GRID2: variants seen among roughly 807,000 people sequenced by gnomAD.
GRID2 encodes glutamate ionotropic receptor delta type subunit 2, also known as glutamate receptor ionotropic, delta-2.
Under a neutral mutation model 114.8 loss-of-function variants are expected in GRID2, and 33 were observed. The observed-to-expected ratio is 0.29, with a 90% CI of 0.22 to 0.38. The LOEUF is 0.38. Among genes scored for constraint, GRID2 ranks in the 10% least tolerant of loss-of-function variants. The pLI is 1.00. For synonymous variants in GRID2, 505 were observed against 449.9 expected (o/e 1.12, Z -1.55); for missense variants, 1,184 against 1,257.7 (o/e 0.94, Z 0.89).
At chr4:92,868,249 G>A (rs760820937) in intron 2 of GRID2, among the ~76,000 whole-genome samples, 3 of 151,766 alleles carry the variant, frequency 2.0e-5, no homozygotes, top group Non-Finnish European at 4.4e-5. Context: ...TCTACAACAG[G>A]GTTGGTTTTG....
intron 8 of GRID2, among the ~76,000 whole-genome samples, chr4:93,251,787 A>G (rs562291901): frequency 1.6e-4 from 25 of 152,252 alleles, no homozygotes; most frequent in African/African-American, 4.6e-4. Flanking sequence ...TTCTTGGATT[A>G]GTATGCTAAG....
At position 92,587,562 on chromosome 4, in the gene GRID2, A is replaced by G. The variant is rs558045659; in HGVS notation, c.89-2569A>G. Among the ~76,000 whole-genome samples the G allele has an allele frequency of 9.9e-4, 151 of 152,288 alleles. 1 individual carries two copies. Among genetic ancestry groups the G allele is most frequent in the African/African-American group, 3.6e-3 (150 of 41,578 alleles). ...GTTTAAGATGAGATTTTTATAGCTG[A>G]AGAAAAAAGTAAATAAATAACTGGG... On this transcript the variant is annotated intron_variant, in intron 1 of 15. Transcript: ENST00000282020.
intron 8 of GRID2, among the ~76,000 whole-genome samples, chr4:93,375,602 A>G (rs1476071442): frequency 6.6e-6 from 1 of 152,134 alleles, no homozygotes; most frequent in Non-Finnish European, 1.5e-5. Flanking sequence ...AGGAAGCCAG[A>G]GCACTTGCTA....
chr4:93,632,699 G>A (rs998608608), intron 14 of GRID2, among the ~76,000 whole-genome samples: 1 of 152,082 alleles, frequency 6.6e-6, no homozygotes, highest in African/African-American at 2.4e-5. Flanking sequence ...TGGCAATGCG[G>A]GCTCTTTTTT....
chr4:93,760,296 C>T (rs1301718377), intron 14 of GRID2, among the ~76,000 whole-genome samples: 3 of 152,150 alleles, frequency 2.0e-5, no homozygotes, highest in African/African-American at 4.8e-5. Flanking sequence ...ATAAAGTTCA[C>T]AGTTGTTTCT....
intron 8 of GRID2, among the ~76,000 whole-genome samples, chr4:93,371,741 CTTTTTTTTTTTT>C (rs1205096650): frequency 2.2e-5 from 2 of 89,796 alleles, no homozygotes; most frequent in African/African-American, 4.7e-5. Flanking sequence ...ATCACTATTT[CTTTTTTTTTTTT>C]TTTTTTTTTT....
chr4:93,440,122 G>A (rs10010334), intron 10 of GRID2, among the ~76,000 whole-genome samples: 1 of 151,800 alleles, frequency 6.6e-6, no homozygotes, highest in Non-Finnish European at 1.5e-5. Flanking sequence ...AATGAAGAAG[G>A]GTTCTCAGCT....
intron 2 of GRID2, among the ~76,000 whole-genome samples, chr4:92,968,570 TTTTA>T (rs1753302179): frequency 6.6e-6 from 1 of 151,956 alleles, no homozygotes; most frequent in Non-Finnish European, 1.5e-5. Context: ...TCTCAGTATT[TTTTA>T]TTTATTCCTT....
intron 1 of GRID2, among the ~76,000 whole-genome samples, chr4:92,452,920 T>C (rs1721011773): frequency 7.1e-6 from 1 of 140,610 alleles, no homozygotes; most frequent in Non-Finnish European, 1.5e-5. Flanking sequence ...TTTCTATATA[T>C]GATACATAGA....
chr4:92,710,925 G>GT lies in GRID2; in HGVS notation c.244+120649dup, dbSNP rs142363876. ...GAAAAAACTAGCATTCAGATTCAGT[G>GT]TTTTTTTTTTAATTATTAATCTAAA... On this transcript the variant is annotated intron_variant, in intron 2 of 15. Coordinates refer to ENST00000282020, the MANE Select transcript of GRID2 (RefSeq NM_001510.4). Among the ~76,000 whole-genome samples, 617 of 146,208 alleles carry GT rather than the reference G, an allele frequency of 4.2e-3. 7 individuals are homozygous for GT. The East Asian group carries it at 0.053, about 13-fold the overall frequency.
At chr4:92,366,386 A>G (rs543947700) in intron 1 of GRID2, among the ~76,000 whole-genome samples, 3 of 152,100 alleles carry the variant, frequency 2.0e-5, no homozygotes, top group Admixed American at 2.0e-4. Context: ...ATCTAAACCT[A>G]TTTTGTGCTC....
At chr4:93,698,789 A>G (rs756819001) in intron 14 of GRID2, among the ~76,000 whole-genome samples, 1 of 152,106 alleles carries the variant, frequency 6.6e-6, no homozygotes, top group Non-Finnish European at 1.5e-5. Context: ...ATAATTTTCC[A>G]CTAAAAGAAT....
chr4:93,544,784 AAAAAAAAG>A (rs1489579131), intron 13 of GRID2, among the ~76,000 whole-genome samples: 2 of 151,640 alleles, frequency 1.3e-5, no homozygotes, highest in Admixed American at 6.6e-5. Context: ...TCTGGAAAAA[AAAAAAAAG>A]AAAAAAAGAA....
chr4:92,914,817 A>G (rs1033021643), intron 2 of GRID2, among the ~76,000 whole-genome samples: 10 of 152,076 alleles, frequency 6.6e-5, no homozygotes, highest in African/African-American at 2.4e-4. Flanking sequence ...AATCCAGTCT[A>G]TCATTGATGG....
At chr4:92,956,415 G>A (rs762616593) in intron 2 of GRID2, among the ~76,000 whole-genome samples, 4 of 152,064 alleles carry the variant, frequency 2.6e-5, no homozygotes, top group African/African-American at 9.7e-5. Context: ...CCCTTGAAAC[G>A]ACTAGCCTTA....
chr4:93,520,190 C>T (rs1184360810), intron 13 of GRID2, among the ~76,000 whole-genome samples: 1 of 152,104 alleles, frequency 6.6e-6, no homozygotes, highest in Non-Finnish European at 1.5e-5. Flanking sequence ...CAGTGAATAC[C>T]TATTGTTTCC....
chr4:92,763,918 G>A (rs1358848273), intron 2 of GRID2, among the ~76,000 whole-genome samples: 1 of 152,072 alleles, frequency 6.6e-6, no homozygotes, highest in East Asian at 1.9e-4. Context: ...AATTTTGAAA[G>A]CATCACTTTG....
intron 1 of GRID2, among the ~76,000 whole-genome samples, chr4:93,797,643 T>C (rs1004483872): frequency 6.6e-6 from 1 of 152,012 alleles, no homozygotes; most frequent in Non-Finnish European, 1.5e-5. Flanking sequence ...CCTCCCCTCC[T>C]CCAAGCTCAG....
rs1347838538 is a variant in GRID2 at position 93,512,968 on chromosome 4, A to G, written c.1998-2248A>G. ...ATTTAGCCAGGGTGACTATTTGGGC[A>G]ACCCATTTATATATTTAAATGAAGG... is the stretch of plus-strand genomic sequence containing the variant. On this transcript the variant is annotated intron_variant, in intron 12 of 15. Coordinates refer to ENST00000282020, the MANE Select transcript of GRID2 (RefSeq NM_001510.4). Among the ~76,000 whole-genome samples, 3 of 152,174 alleles carry G rather than the reference A, an allele frequency of 2.0e-5. 1 individual carries two copies. The highest frequency in any genetic ancestry group is 4.4e-5 in the Non-Finnish European group (3 of 68,024).
Sources: gnomAD v4.1 joint callset for allele counts (sites outside exome capture counted in the v4.1 genomes callset) on GRCh38, gnomAD v4.1.1 for gene constraint, MANE v1.5 for transcripts, NCBI Gene and HGNC (gene_info 2026-07-23, HGNC 2026-07-21) for gene names.